The following DLGAP2 variants were observed in gnomAD, a reference collection of about 807,000 sequenced individuals.
DLGAP2 encodes disks large-associated protein 2.
Under a neutral mutation model 100.3 loss-of-function variants are expected in DLGAP2, and 26 were observed. The observed-to-expected ratio is 0.26, with a 90% confidence interval of 0.19 to 0.36. The LOEUF (loss-of-function observed/expected upper bound fraction) is 0.36. Among genes scored for constraint, DLGAP2 ranks in the 10% least tolerant of loss-of-function variants. The pLI, the probability that DLGAP2 is intolerant of heterozygous loss-of-function variation, is 1.00. For synonymous variants in DLGAP2, 886 were observed against 630.1 expected, an observed-to-expected ratio of 1.41 and a Z score of -6.08; for missense variants, 1,858 against 1,453.2, an observed-to-expected ratio of 1.28 and a Z score of -4.53.
At chr8:1,577,468 T>G (rs1375960749) in intron 6 of DLGAP2, among the ~76,000 whole-genome samples, 1 of 147,570 alleles carries the variant, frequency 6.8e-6, no homozygotes, top group Non-Finnish European at 1.5e-5. Context: ...CTCGAGAGGC[T>G]GAGGCAGGAG....
intron 3 of DLGAP2, among the ~76,000 whole-genome samples, chr8:1,485,431 C>T (rs767212127): frequency 1.3e-5 from 2 of 152,230 alleles, no homozygotes; most frequent in African/African-American, 2.4e-5. Flanking sequence ...GCACAAGTGC[C>T]ATGAGGCTTC....
In DLGAP2 at chr8:737,653, C is replaced by G. The variant is rs1820351611; in HGVS notation, c.-155C>G. 2.8e-6 allele frequency: 1 copy of G among 354,348 alleles called. No individual in the cohort carries two copies. The highest frequency in any genetic ancestry group is 1.4e-4 in the South Asian group (1 of 7,230). 22.0% of individuals were successfully genotyped at this position (354,348 alleles called of 1,614,324 possible). ...AGACCGACCGTGCGCCGGGCTCGAG[C>G]GCGGTCTGAGCGCGCGGCGCCTGCG... On this transcript the variant is annotated 5_prime_UTR_variant, in exon 1 of 15. Transcript: ENST00000637795.
chr8:1,639,031 A>G (rs534456525), intron 8 of DLGAP2, among the ~76,000 whole-genome samples: 1 of 152,336 alleles, frequency 6.6e-6, no homozygotes, highest in Non-Finnish European at 1.5e-5. Context: ...AGCCCTCTCC[A>G]GCTGCTGCCT....
rs187727043 is a variant in DLGAP2, at chr8:1,181,291, A to G, written c.74-77560A>G. On this transcript the variant is annotated intron_variant, in intron 2 of 14. Transcript: ENST00000637795. ...CACACATCGTGTGCAAGGGCAGTAC[A>G]CTTAACGTGTTTCGTGGTCTGTAGA... Among the ~76,000 whole-genome samples the G allele has an allele frequency of 7.9e-5, 12 of 152,368 alleles. No homozygotes were observed. In the East Asian group the frequency reaches 2.3e-3, roughly 29 times the overall value.
At position 1,496,680 on chromosome 8, in the gene DLGAP2, A is replaced by C. The variant is rs1466166202; in HGVS notation, c.107-4686A>C. 3.3e-5 allele frequency among the ~76,000 whole-genome samples: 5 copies of C among 152,308 alleles called. No homozygotes were observed. The East Asian group carries it at 9.7e-4, about 30-fold the overall frequency. ...AGACCCCTCTGGGCCACAGGGGAGCAGGACAGCCATTTCTCTGAAGCTCAA... is the reference window on the plus strand; with the variant it reads ...AGACCCCTCTGGGCCACAGGGGAGCCGGACAGCCATTTCTCTGAAGCTCAA... On this transcript the variant is annotated intron_variant, in intron 3 of 14. Coordinates refer to ENST00000637795, the MANE Select transcript of DLGAP2 (RefSeq NM_001346810.2).
chr8:1,026,389 C>G (rs534818330), intron 2 of DLGAP2, among the ~76,000 whole-genome samples: 2 of 152,310 alleles, frequency 1.3e-5, no homozygotes, highest in African/African-American at 4.8e-5. Flanking sequence ...GTTGTACTGT[C>G]TGGCTTTGTG....
chr8:1,453,296 T>C (rs1798214282), intron 3 of DLGAP2, among the ~76,000 whole-genome samples: 2 of 151,900 alleles, frequency 1.3e-5, no homozygotes, highest in South Asian at 4.2e-4. Context: ...CCTGGGGAGG[T>C]GTGTGACTGT....
At chr8:1,091,099 G>T (rs1427705670) in intron 2 of DLGAP2, among the ~76,000 whole-genome samples, 6 of 152,158 alleles carry the variant, frequency 3.9e-5, no homozygotes, top group African/African-American at 1.4e-4. Flanking sequence ...GCAGCCTGCA[G>T]CGCCCAGACC....
chr8:1,179,383 C>A (rs1339511271), intron 2 of DLGAP2, among the ~76,000 whole-genome samples: 1 of 152,202 alleles, frequency 6.6e-6, no homozygotes, highest in African/African-American at 2.4e-5. Context: ...CTGGGGGACT[C>A]TGACTGTGCA....
intron 2 of DLGAP2, among the ~76,000 whole-genome samples, chr8:1,160,059 C>T (rs534158243): frequency 3.3e-5 from 5 of 152,342 alleles, no homozygotes; most frequent in South Asian, 4.1e-4. Context: ...TGAGCCCCCA[C>T]GGCACCTCAC....
intron 1 of DLGAP2, among the ~76,000 whole-genome samples, chr8:861,345 T>A (rs1037144372): frequency 5.9e-5 from 9 of 152,154 alleles, no homozygotes; most frequent in Admixed American, 5.2e-4. Flanking sequence ...GAGTTTGGTG[T>A]CTGCACGGGG....
At chr8:1,099,902 G>A (rs567533519) in intron 2 of DLGAP2, among the ~76,000 whole-genome samples, 6 of 152,128 alleles carry the variant, frequency 3.9e-5, no homozygotes, top group Non-Finnish European at 7.4e-5. Flanking sequence ...CTATTATGCC[G>A]CAAAGCTCTT....
At position 1,549,338 on chromosome 8, in the gene DLGAP2, C is replaced by T; in HGVS notation, c.885C>T (p.Ser295=). 5.6e-6 allele frequency: 9 copies of T among 1,613,318 alleles called. No individual in the cohort carries two copies. The highest frequency in any genetic ancestry group is 7.6e-6 in the Non-Finnish European group (9 of 1,179,746). Residue 295 remains serine, a synonymous_variant, in exon 5 of 15, where the codon AGC becomes AGT. Coordinates refer to ENST00000637795, the MANE Select transcript of DLGAP2 (RefSeq NM_001346810.2). ...PEGKPRPGMS[S]WWSSDDNLDS... is the part of the protein sequence containing the mutation. ...GCAAGCCCCGGCCCGGCATGAGCAG[C>T]TGGTGGAGCTCGGACGACAACCTGG... is the stretch of plus-strand genomic sequence containing the variant.
chr8:1,640,337 C>T (rs1797867583), intron 8 of DLGAP2, among the ~76,000 whole-genome samples: 1 of 128,882 alleles, frequency 7.8e-6, no homozygotes, highest in Non-Finnish European at 1.6e-5. Flanking sequence ...TGAAGGGAAG[C>T]CCAGGCGTGC....
chr8:1,228,690 A>T (rs1798473138), intron 2 of DLGAP2, among the ~76,000 whole-genome samples: 1 of 152,240 alleles, frequency 6.6e-6, no homozygotes, highest in South Asian at 2.1e-4. Flanking sequence ...GGGGAAAATG[A>T]CATCAACTCA....
At chr8:814,872 A>AG (rs1296796780) in intron 1 of DLGAP2, among the ~76,000 whole-genome samples, 1 of 151,124 alleles carries the variant, frequency 6.6e-6, no homozygotes, top group Admixed American at 6.6e-5. Context: ...AAAAAAAAAA[A>AG]AGAAATACTA....
chr8:1,597,664 CTGTT>C (rs1373662049), intron 6 of DLGAP2, among the ~76,000 whole-genome samples: 3 of 152,134 alleles, frequency 2.0e-5, no homozygotes, highest in Non-Finnish European at 4.4e-5. Context: ...ATTTGGCTCT[CTGTT>C]TGTCTGTTAT....
chr8:900,586 T>A (rs1798232749), intron 1 of DLGAP2, among the ~76,000 whole-genome samples: 2 of 152,128 alleles, frequency 1.3e-5, no homozygotes, highest in South Asian at 4.1e-4. Context: ...CATCAGAATT[T>A]CCCCCGGTTC....
intron 3 of DLGAP2, among the ~76,000 whole-genome samples, chr8:1,322,424 G>A (rs1450599025): frequency 1.3e-5 from 2 of 152,334 alleles, no homozygotes; most frequent in Middle Eastern, 3.4e-3. Context: ...GCTGGATCCT[G>A]CTTCTGTGAC....
Sources: allele counts gnomAD v4.1 joint callset (sites outside exome capture counted in the v4.1 genomes callset), GRCh38; gene constraint gnomAD v4.1.1; transcripts MANE v1.5; gene names NCBI Gene and HGNC (gene_info 2026-07-23, HGNC 2026-07-21).